Variants in ASAP1 observed in about 807,000 individuals in gnomAD.
The protein encoded by ASAP1 is ArfGAP with SH3 domain, ankyrin repeat and PH domain 1, also known as arf-GAP with SH3 domain, ANK repeat and PH domain-containing protein 1.
In ASAP1, 43 loss-of-function variants were observed where a neutral mutation model predicts 145.2. That is an observed-to-expected ratio of 0.30 (90% CI 0.23 to 0.38). ASAP1 has a LOEUF of 0.38. Among genes scored for constraint, ASAP1 ranks in the 10% least tolerant of loss-of-function variants. The pLI is 1.00. For synonymous variants in ASAP1, 546 were observed against 515.5 expected (o/e 1.06, Z -0.80); for missense variants, 1,018 against 1,355.3 (o/e 0.75, Z 3.91).
Position 130,090,949 on chromosome 8 carries a change from T to C in ASAP1, c.2572+1024A>G, listed in dbSNP as rs2097504214. ...GCAGGAAGAGGTGAGACACACAAAC[T>C]AACAAATTTATTCAGCAAAGCTTCT... On this transcript the variant is annotated intron_variant, in intron 25 of 29. Transcript: ENST00000518721. 2.0e-5 allele frequency among the ~76,000 whole-genome samples: 3 copies of C among 152,104 alleles called. No individual in the cohort carries two copies. In the South Asian group the frequency reaches 6.2e-4, roughly 32 times the overall value.
chr8:130,376,265 T>A (rs1176538403), intron 2 of ASAP1, among the ~76,000 whole-genome samples: 1 of 152,212 alleles, frequency 6.6e-6, no homozygotes, highest in East Asian at 1.9e-4. Flanking sequence ...AGCATCCTGC[T>A]GGGTCCACAC....
intron 3 of ASAP1, among the ~76,000 whole-genome samples, chr8:130,351,201 A>T (rs937706806): frequency 4.6e-5 from 7 of 152,372 alleles, no homozygotes; most frequent in African/African-American, 1.4e-4. Context: ...AAGACAAAAC[A>T]AACTGGCAGA....
At chr8:130,434,419 T>C (rs1007617450) in intron 1 of ASAP1, among the ~76,000 whole-genome samples, 2 of 152,206 alleles carry the variant, frequency 1.3e-5, no homozygotes, top group South Asian at 2.1e-4. Flanking sequence ...AGGTTCGTCG[T>C]ATATAAAATG....
At chr8:130,128,458 T>A (rs1586384684) in intron 15 of ASAP1, among the ~76,000 whole-genome samples, 2 of 152,004 alleles carry the variant, frequency 1.3e-5, no homozygotes, top group Admixed American at 6.5e-5. Context: ...GAGGGACCCA[T>A]CCAATGCAAG....
intron 3 of ASAP1, among the ~76,000 whole-genome samples, chr8:130,335,366 A>C (rs560741735): frequency 1.1e-4 from 17 of 152,320 alleles, no homozygotes; most frequent in South Asian, 6.2e-4. Flanking sequence ...GGAGAAACCA[A>C]GGCTTGGAGA....
chr8:130,384,719 T>C (rs1044944002), intron 2 of ASAP1, among the ~76,000 whole-genome samples: 1 of 152,180 alleles, frequency 6.6e-6, no homozygotes, highest in Non-Finnish European at 1.5e-5. Context: ...TGACCTCAGG[T>C]GATCCACTGA....
chr8:130,108,211 A>G (rs1431892134), intron 24 of ASAP1, among the ~76,000 whole-genome samples: 1 of 152,248 alleles, frequency 6.6e-6, no homozygotes, highest in Non-Finnish European at 1.5e-5. Context: ...TAGGAAGTCT[A>G]CATTATAGCA....
At chr8:130,230,774 C>CA (rs1279364887) in intron 4 of ASAP1, among the ~76,000 whole-genome samples, 5 of 151,992 alleles carry the variant, frequency 3.3e-5, no homozygotes, top group South Asian at 4.2e-4. Context: ...TGAAAAACAG[C>CA]AAAAAAAGGT....
intron 1 of ASAP1, among the ~76,000 whole-genome samples, chr8:130,443,068 G>C (rs1396616877): frequency 6.6e-6 from 1 of 152,084 alleles, no homozygotes; most frequent in East Asian, 1.9e-4. Flanking sequence ...AGACAATGCC[G>C]GGAGGGCGCC....
chr8:130,236,867 A>T (rs1818244774), intron 4 of ASAP1, 55 bp downstream of exon 4: 4 of 1,269,306 alleles, frequency 3.2e-6, no homozygotes, highest in Non-Finnish European at 4.4e-6. Flanking sequence ...TAACTAACAA[A>T]ACTCTGTAGA....
intron 1 of ASAP1, among the ~76,000 whole-genome samples, chr8:130,421,546 T>C (rs1829717977): frequency 6.6e-6 from 1 of 152,184 alleles, no homozygotes. Flanking sequence ...CCAAGGTTTT[T>C]AAGAAGTGGG....
At chr8:130,430,269 G>A (rs1249518176) in intron 1 of ASAP1, among the ~76,000 whole-genome samples, 1 of 152,180 alleles carries the variant, frequency 6.6e-6, no homozygotes, top group Non-Finnish European at 1.5e-5. Context: ...TGGATATGAA[G>A]GACTCACCAA....
intron 25 of ASAP1, among the ~76,000 whole-genome samples, chr8:130,081,589 G>A (rs946938013): frequency 5.3e-5 from 8 of 151,770 alleles, no homozygotes; most frequent in African/African-American, 1.9e-4. Flanking sequence ...GGGCAGGGCT[G>A]AAAAAAAACT....
At chr8:130,411,390 A>AAT (rs1173537430) in intron 1 of ASAP1, among the ~76,000 whole-genome samples, 1 of 152,168 alleles carries the variant, frequency 6.6e-6, no homozygotes, top group Non-Finnish European at 1.5e-5. Context: ...ATCAGGAAAC[A>AAT]ATATCCCAGC....
intron 24 of ASAP1, among the ~76,000 whole-genome samples, chr8:130,100,224 A>AT (rs530858137): frequency 6.6e-6 from 1 of 152,166 alleles, no homozygotes; most frequent in Non-Finnish European, 1.5e-5. Flanking sequence ...GAAATAGATA[A>AT]TATCTCATTG....
At chr8:130,310,213 G>A (rs1470293592) in intron 3 of ASAP1, among the ~76,000 whole-genome samples, 1 of 151,920 alleles carries the variant, frequency 6.6e-6, no homozygotes, top group African/African-American at 2.4e-5. Flanking sequence ...ATATGAAAGA[G>A]CTTTATAATT....
chr8:130,319,664 C>T (rs567265557), intron 3 of ASAP1, among the ~76,000 whole-genome samples: 3 of 152,152 alleles, frequency 2.0e-5, no homozygotes, highest in Non-Finnish European at 4.4e-5. Context: ...TACTGAGATC[C>T]CTTCCTGGGA....
At chr8:130,224,699 C>T (rs940512003) in intron 4 of ASAP1, among the ~76,000 whole-genome samples, 17 of 152,270 alleles carry the variant, frequency 1.1e-4, no homozygotes, top group Admixed American at 9.2e-4. Context: ...ATTATTTTAA[C>T]TGGGATATGT....
chr8:130,321,229 T>A (rs527269789), intron 3 of ASAP1, among the ~76,000 whole-genome samples: 45 of 152,236 alleles, frequency 3.0e-4, no homozygotes, highest in African/African-American at 1.1e-3. Context: ...GACAGGTGAC[T>A]GCAAAGAAGC....
Sources: allele counts gnomAD v4.1 joint callset (sites outside exome capture counted in the v4.1 genomes callset), GRCh38; gene constraint gnomAD v4.1.1; transcripts MANE v1.5; gene names NCBI Gene and HGNC (gene_info 2026-07-23, HGNC 2026-07-21).